ROR1: variants seen among roughly 807,000 people sequenced by gnomAD.
ROR1 encodes the protein ROR family WNT receptor 1.
In ROR1, 19 loss-of-function variants were observed where a neutral mutation model predicts 78.8. That is an observed-to-expected ratio of 0.24 (90% CI 0.17 to 0.35). ROR1 has a LOEUF of 0.35. Among genes scored for constraint, ROR1 ranks in the 10% least tolerant of loss-of-function variants. The pLI is 1.00. For missense variants in ROR1, 917 were observed against 1,177.8 expected, an observed-to-expected ratio of 0.78 and a Z score of 3.24; for synonymous variants, 386 against 433.6, an observed-to-expected ratio of 0.89 and a Z score of 1.36.
chr1:63,873,591 G>T (rs1292235990), intron 1 of ROR1, among the ~76,000 whole-genome samples: 2 of 152,056 alleles, frequency 1.3e-5, no homozygotes, highest in Non-Finnish European at 2.9e-5. Flanking sequence ...AAAAGAAAAA[G>T]TATCACTAAA....
chr1:63,860,772 G>GAAAAAAAAAA (rs1319567628), intron 1 of ROR1, among the ~76,000 whole-genome samples: 1 of 116,796 alleles, frequency 8.6e-6, no homozygotes. Context: ...CTGTCTCGGG[G>GAAAAAAAAAA]AAAAAAAAAA....
intron 1 of ROR1, among the ~76,000 whole-genome samples, chr1:63,946,554 C>T (rs1325622315): frequency 6.6e-6 from 1 of 152,136 alleles, no homozygotes; most frequent in African/African-American, 2.4e-5. Context: ...GCATATACCT[C>T]AACTTTTGTT....
intron 8 of ROR1, among the ~76,000 whole-genome samples, chr1:64,174,266 C>T (rs1434119216): frequency 2.0e-5 from 3 of 152,112 alleles, no homozygotes; most frequent in Non-Finnish European, 2.9e-5. Context: ...AAGAAATTCA[C>T]CCAAGGTCAG....
intron 4 of ROR1, among the ~76,000 whole-genome samples, chr1:64,102,283 C>A (rs772377552): frequency 7.9e-5 from 12 of 152,092 alleles, no homozygotes; most frequent in African/African-American, 2.4e-4. Flanking sequence ...ACATTTCAGG[C>A]GATTAAGTGA....
chr1:63,892,701 G>A (rs1004557700), intron 1 of ROR1, among the ~76,000 whole-genome samples: 2 of 152,112 alleles, frequency 1.3e-5, no homozygotes, highest in Non-Finnish European at 2.9e-5. Flanking sequence ...GCTAAGCTCT[G>A]CCACCACTAA....
chr1:63,895,958 A>C (rs2100395603), intron 1 of ROR1, among the ~76,000 whole-genome samples: 1 of 152,102 alleles, frequency 6.6e-6, no homozygotes, highest in African/African-American at 2.4e-5. Flanking sequence ...AGTTCTGGAT[A>C]CCCTCTGTTC....
At chr1:64,139,164 CAAAAAA>C (rs755368714) in intron 5 of ROR1, among the ~76,000 whole-genome samples, 5 of 20,660 alleles carry the variant, frequency 2.4e-4, no homozygotes, top group African/African-American at 4.4e-4. Context: ...GAGACTGTCT[CAAAAAA>C]AAAAAAAAAA....
At chr1:63,934,843 A>C (rs189707857) in intron 1 of ROR1, among the ~76,000 whole-genome samples, 5 of 152,156 alleles carry the variant, frequency 3.3e-5, no homozygotes, top group African/African-American at 1.2e-4. Flanking sequence ...TGAGCCTGCC[A>C]TAGATTTTCT....
intron 1 of ROR1, among the ~76,000 whole-genome samples, chr1:63,930,536 CA>C (rs1429377307): frequency 6.6e-6 from 1 of 152,174 alleles, no homozygotes; most frequent in Non-Finnish European, 1.5e-5. Context: ...GCCAGTCTTC[CA>C]GCTGCATCAG....
intron 4 of ROR1, among the ~76,000 whole-genome samples, chr1:64,074,046 G>T (rs1647029132): frequency 6.6e-6 from 1 of 152,148 alleles, no homozygotes. Flanking sequence ...ATTCAATAAG[G>T]TCAGGGACAT....
At chr1:64,082,879 CTT>C (rs1647115572) in intron 4 of ROR1, among the ~76,000 whole-genome samples, 1 of 152,232 alleles carries the variant, frequency 6.6e-6, no homozygotes, top group Non-Finnish European at 1.5e-5. Flanking sequence ...CCCTCTTTCT[CTT>C]CCACAAACAC....
intron 1 of ROR1, among the ~76,000 whole-genome samples, chr1:63,964,759 G>T (rs1042992278): frequency 4.6e-5 from 7 of 152,214 alleles, no homozygotes; most frequent in African/African-American, 1.7e-4. Context: ...ATTAACACGT[G>T]GTGGTCTGAT....
At chr1:64,160,237 C>A (rs1382849179) in intron 8 of ROR1, among the ~76,000 whole-genome samples, 1 of 152,064 alleles carries the variant, frequency 6.6e-6, no homozygotes, top group Non-Finnish European at 1.5e-5. Context: ...ATCCTCTTAT[C>A]TAATAAATGG....
chr1:64,153,798 C>A (rs2370221), intron 7 of ROR1, among the ~76,000 whole-genome samples: 41,241 of 151,836 alleles, frequency 0.27, 5,883 homozygotes, highest in East Asian at 0.36. Context: ...AGTTTTGCAG[C>A]ATGAAAAAGT....
At chr1:64,017,196 A>G (rs943815693) in intron 2 of ROR1, among the ~76,000 whole-genome samples, 2 of 152,064 alleles carry the variant, frequency 1.3e-5, no homozygotes, top group Admixed American at 6.6e-5. Context: ...ATGAGCCACC[A>G]CACTCAGCCA....
At chr1:64,055,741 A>G (rs771441683) in intron 4 of ROR1, among the ~76,000 whole-genome samples, 13 of 152,170 alleles carry the variant, frequency 8.5e-5, no homozygotes, top group Non-Finnish European at 1.8e-4. Flanking sequence ...CATAAAATTC[A>G]CTGTTTTAAA....
chr1:64,022,333 A>G (rs1646571553), intron 2 of ROR1, among the ~76,000 whole-genome samples: 1 of 152,196 alleles, frequency 6.6e-6, no homozygotes, highest in Admixed American at 6.5e-5. Context: ...GTTGTACAAC[A>G]TTGTCAGTAT....
chr1:63,783,134 T>C (rs1644663406), intron 1 of ROR1, among the ~76,000 whole-genome samples: 1 of 152,106 alleles, frequency 6.6e-6, no homozygotes, highest in Non-Finnish European at 1.5e-5. Context: ...GAAGCTGATC[T>C]CCAGGGGATG....
intron 1 of ROR1, among the ~76,000 whole-genome samples, chr1:63,886,661 G>A (rs1645359575): frequency 6.6e-6 from 1 of 152,124 alleles, no homozygotes; most frequent in Non-Finnish European, 1.5e-5. Flanking sequence ...AAGGTTGGCT[G>A]CTACATCATT....
Sources: allele counts gnomAD v4.1 joint callset (sites outside exome capture counted in the v4.1 genomes callset), GRCh38; gene constraint gnomAD v4.1.1; transcripts MANE v1.5; gene names NCBI Gene and HGNC (gene_info 2026-07-23, HGNC 2026-07-21).